Variants in PCDHGA5 observed in about 807,000 individuals in gnomAD.
The protein encoded by PCDHGA5 is protocadherin gamma subfamily A, 5, also known as protocadherin gamma-A5.
Under a neutral mutation model 56.7 loss-of-function variants are expected in PCDHGA5, and 36 were observed. The observed-to-expected ratio is 0.64, with a 90% CI of 0.49 to 0.84. The LOEUF is 0.84. Ranked by LOEUF, PCDHGA5 falls within the 40% of genes least tolerant of loss-of-function variation. PCDHGA5 has a pLI of 0.00. For missense variants in PCDHGA5, 1,305 were observed against 1,201.5 expected (o/e 1.09, Z -1.27); for synonymous variants, 563 against 520.2 (o/e 1.08, Z -1.12).
rs756993242 is a variant in PCDHGA5 at position 141,432,265 on chromosome 5, G to T, written c.2422-62542G>T. 2.5e-6 allele frequency: 4 copies of T among 1,614,210 alleles called. No homozygotes were observed. The South Asian group carries it at 3.3e-5, about 13-fold the overall frequency. ...ACACCATCCAAGGGGCAAGCCTATC[G>T]TCCTACGTGTCCATCAACTCCGACA... On this transcript the variant is annotated intron_variant, in intron 1 of 3. Coordinates refer to ENST00000518069, the MANE Select transcript of PCDHGA5 (RefSeq NM_018918.3). This position sits in a 1 kb window ranked among gnomAD's most constrained non-coding sequence, Gnocchi z 6.0.
At chr5:141,427,499 T>C in intron 1 of PCDHGA5, 2 of 571,516 alleles carry the variant, frequency 3.5e-6, no homozygotes, top group Non-Finnish European at 3.3e-6. Flanking sequence ...TTGTAACAGA[T>C]GGGACCCTGG....
chr5:141,496,663 G>A (rs2099770279), intron 2 of PCDHGA5, among the ~76,000 whole-genome samples: 1 of 152,196 alleles, frequency 6.6e-6, no homozygotes, highest in Admixed American at 6.5e-5. Context: ...GACCCCAGCT[G>A]TTGTCCTTCT....
chr5:141,487,256 G>A lies in PCDHGA5; in HGVS notation c.2422-7551G>A. ...ATCTCGTCTAACCCTCTACTTGGCTGTGTCCCTAGTGGCAATTTGCTTTGT... is the reference window on the plus strand; with the variant it reads ...ATCTCGTCTAACCCTCTACTTGGCTATGTCCCTAGTGGCAATTTGCTTTGT... On this transcript the variant is annotated intron_variant, in intron 1 of 3. Transcript: ENST00000518069. The surrounding 1 kb of genome is among the most constrained non-coding windows in gnomAD (Gnocchi z 5.0). The A allele has an allele frequency of 6.2e-7, 1 of 1,614,166 alleles. No individual in the cohort carries two copies. The highest frequency in any genetic ancestry group is 8.5e-7 in the Non-Finnish European group (1 of 1,180,032).
chr5:141,494,903 G>A (rs760748707), intron 2 of PCDHGA5, 38 bp downstream of exon 2: 39 of 1,613,894 alleles, frequency 2.4e-5, no homozygotes, highest in Non-Finnish European at 3.1e-5. Context: ...TCTTCTCTGC[G>A]GCATTTTCTC....
rs368155258 is a variant in PCDHGA5 at position 141,394,236 on chromosome 5, A to T, written c.2421+27485A>T. 3.1e-5 allele frequency: 50 copies of T among 1,613,818 alleles called. No individual in the cohort carries two copies. The highest frequency in any genetic ancestry group is 3.9e-5 in the Non-Finnish European group (46 of 1,179,848). On this transcript the variant is annotated intron_variant, in intron 1 of 3. Transcript: ENST00000518069. ...GAGAGGAGCCTCCATCTTTTCCTTG[A>T]CTGCACACGACCCCGACAGCCAGGA...
At chr5:141,422,806 C>A in intron 1 of PCDHGA5, 1 of 1,614,208 alleles carries the variant, frequency 6.2e-7, no homozygotes, top group Non-Finnish European at 8.5e-7. Flanking sequence ...TGAGCAGTTT[C>A]GAGACTTAGA....
intron 1 of PCDHGA5, chr5:141,441,945 G>A: frequency 3.0e-6 from 1 of 333,884 alleles, no homozygotes; most frequent in Non-Finnish European, 5.8e-6. Flanking sequence ...ACCACGTGCT[G>A]CAGGCCAGCA....
Position 141,366,640 on chromosome 5 carries a change from T to G in PCDHGA5, c.2310T>G (p.Phe770Leu). 6 of 1,614,186 alleles carry G rather than the reference T, an allele frequency of 3.7e-6. No homozygotes were observed. Among genetic ancestry groups the G allele is most frequent in the Non-Finnish European group, 4.2e-6 (5 of 1,180,026 alleles). The change falls in exon 1 of 4, where the codon TTT becomes TTG. Residue 770 changes from phenylalanine to leucine, a missense_variant. By Grantham distance (22) the Phe-to-Leu change is conservative. Transcript: ENST00000518069. The stretch of plus-strand genomic sequence containing the variant: ...ACTCGAGGAAGAGTCACCTGATCTT[T>G]CCCCAGCCCAACTACGCAGACACGC... ...TADSRKSHLIFPQPNYADTLL... is the reference protein window; with the variant it reads ...TADSRKSHLILPQPNYADTLL...
chr5:141,410,119 C>T (rs1306210256), intron 1 of PCDHGA5: 2 of 1,612,822 alleles, frequency 1.2e-6, no homozygotes, highest in Middle Eastern at 1.7e-4. Flanking sequence ...ACGCAGCCCG[C>T]CAGCGCCTGC....
Position 141,366,028 on chromosome 5 carries a change from C to T in PCDHGA5, c.1698C>T (p.Ala566=), listed in dbSNP as rs1291382727. Reference sequence around the variant, plus strand: ...ATACGCCTGAGATCCTGTACCCCGCCCTCCCCACAGACGGTTCCACGGGCG... The same window carrying T: ...ATACGCCTGAGATCCTGTACCCCGCTCTCCCCACAGACGGTTCCACGGGCG... ...NDNTPEILYP[A]LPTDGSTGVE... is the part of the protein sequence containing the mutation. The change falls in exon 1 of 4, where the codon GCC becomes GCT. Residue 566 remains alanine (A), a synonymous_variant. Transcript: ENST00000518069. The T allele has an allele frequency of 1.2e-6, 2 of 1,614,136 alleles. No homozygotes were observed. Among genetic ancestry groups the T allele is most frequent in the Non-Finnish European group, 1.7e-6 (2 of 1,180,054 alleles).
In PCDHGA5 at chr5:141,476,529, A is replaced by G. The variant is rs752442904; in HGVS notation, c.2422-18278A>G. On this transcript the variant is annotated intron_variant, in intron 1 of 3. Coordinates refer to ENST00000518069, the MANE Select transcript of PCDHGA5 (RefSeq NM_018918.3). The surrounding 1 kb of genome is among the most constrained non-coding windows in gnomAD (Gnocchi z 7.6). ...GACAACAATCCTGCTTTCCCTACCCAGGAAATGAAATTGGAGATTAGCGAG... is the reference window on the plus strand; with the variant it reads ...GACAACAATCCTGCTTTCCCTACCCGGGAAATGAAATTGGAGATTAGCGAG... 2.8e-5 allele frequency: 46 copies of G among 1,614,198 alleles called. No individual in the cohort carries two copies. Among genetic ancestry groups the G allele is most frequent in the Non-Finnish European group, 3.8e-5 (45 of 1,180,044 alleles).
chr5:141,373,542 G>A (rs1451979596), intron 1 of PCDHGA5, among the ~76,000 whole-genome samples: 1 of 152,216 alleles, frequency 6.6e-6, no homozygotes. Flanking sequence ...GTTTGTGGTT[G>A]TTGGTACCCT....
intron 1 of PCDHGA5, chr5:141,399,111 A>G (rs1561667842): frequency 1.9e-6 from 3 of 1,613,732 alleles, no homozygotes; most frequent in East Asian, 2.2e-5. Context: ...CACAATGTAC[A>G]GTTGAAATTA....
At chr5:141,387,576 G>A in intron 1 of PCDHGA5, 2 of 487,618 alleles carry the variant, frequency 4.1e-6, no homozygotes, top group Non-Finnish European at 7.2e-6. Flanking sequence ...TATAATTATT[G>A]CACTGGTTAA....
chr5:141,387,071 C>T (rs1487403463), intron 1 of PCDHGA5, among the ~76,000 whole-genome samples: 2 of 152,172 alleles, frequency 1.3e-5, no homozygotes, highest in African/African-American at 4.8e-5. Flanking sequence ...GAGGAGTAGG[C>T]TACTGCCTGT....
chr5:141,428,341 C>T, intron 1 of PCDHGA5: 1 of 602,086 alleles, frequency 1.7e-6, no homozygotes, highest in Non-Finnish European at 3.0e-6. Flanking sequence ...GCTCTTCTTC[C>T]TCGCAGTGAT....
rs764692908 is a variant in PCDHGA5 at position 141,431,246 on chromosome 5, G to C, written c.2422-63561G>C. On this transcript the variant is annotated intron_variant, in intron 1 of 3. Coordinates refer to ENST00000518069, the MANE Select transcript of PCDHGA5 (RefSeq NM_018918.3). The surrounding 1 kb of genome is among the most constrained non-coding windows in gnomAD (Gnocchi z 4.8). ...ACCCCACGCCTGGGATCCGGATATC[G>C]GGAAGAACTCTCTGCAGAGCTACGA... 9 of 1,613,982 alleles carry C rather than the reference G, an allele frequency of 5.6e-6. No individual in the cohort carries two copies. Among genetic ancestry groups the C allele is most frequent in the Non-Finnish European group, 7.6e-6 (9 of 1,180,050 alleles).
intron 1 of PCDHGA5, chr5:141,374,217 T>C (rs771956915): frequency 5.6e-6 from 9 of 1,613,862 alleles, no homozygotes; most frequent in Non-Finnish European, 6.8e-6. Context: ...GGCTCCTTCG[T>C]AGGCAACATC....
intron 1 of PCDHGA5, among the ~76,000 whole-genome samples, chr5:141,456,363 G>A (rs1233146015): frequency 6.6e-6 from 1 of 152,098 alleles, no homozygotes; most frequent in African/African-American, 2.4e-5. Flanking sequence ...GTCCATGTGT[G>A]GTTCAGTTTA....
Sources: gnomAD v4.1 joint callset for allele counts (sites outside exome capture counted in the v4.1 genomes callset) on GRCh38, gnomAD v4.1.1 for gene constraint, Gnocchi (gnomAD v3.1) non-coding constraint, MANE v1.5 for transcripts, NCBI Gene and HGNC (gene_info 2026-07-23, HGNC 2026-07-21) for gene names.